AP4B1: variants seen among roughly 807,000 people sequenced by gnomAD.
AP4B1 encodes the protein adaptor related protein complex 4 subunit beta 1, also known as AP-4 complex subunit beta-1.
In AP4B1, 49 loss-of-function variants were observed where a neutral mutation model predicts 76.5. The ratio of observed to expected loss-of-function variants is 0.64; its 90% CI spans 0.51 to 0.81. The LOEUF is 0.81. Among genes scored for constraint, AP4B1 ranks in the 40% least tolerant of loss-of-function variants. The pLI, the probability that AP4B1 is intolerant of heterozygous loss-of-function variation, is 0.00. For missense variants in AP4B1, 911 were observed against 904.9 expected (o/e 1.01, Z -0.09); for synonymous variants, 330 against 333.3 (o/e 0.99, Z 0.11).
At position 113,901,286 on chromosome 1, in the gene AP4B1, C is replaced by T. The variant is rs933273265; in HGVS notation, c.567G>A (p.Gln189=). 4.3e-5 allele frequency: 69 copies of T among 1,614,010 alleles called. 1 individual carries two copies. The highest frequency in any genetic ancestry group is 5.7e-5 in the Non-Finnish European group (67 of 1,180,022). Residue 189 remains glutamine (Q), a synonymous_variant, in exon 4 of 10, where the codon CAG becomes CAA. Transcript: ENST00000369569. The part of the protein sequence containing the change: ...CLRSLEEILK[Q]EGGVVINKPI... Reference sequence around the variant, plus strand: ...GCTTATTGATGACAACGCCTCCTTCCTGTTTCAGAATTTCCTCTAGAGACC... The same window carrying T: ...GCTTATTGATGACAACGCCTCCTTCTTGTTTCAGAATTTCCTCTAGAGACC...
At position 113,897,937 on chromosome 1, in the gene AP4B1, A is replaced by T; in HGVS notation, c.1205T>A (p.Val402Glu). 1 of 1,614,164 alleles carries T rather than the reference A, an allele frequency of 6.2e-7. No homozygotes were observed. The highest frequency in any genetic ancestry group is 8.5e-7 in the Non-Finnish European group (1 of 1,180,030). Reference protein sequence around the residue: ...LRQEHITTVVVQTFRDLVWLC... With the variant: ...LRQEHITTVVEQTFRDLVWLC... The stretch of plus-strand genomic sequence containing the variant: ...CCAAACCAGGTCTCGGAAAGTCTGC[A>T]CCACCACTACAATACAGGCCAGGGT... The change falls in exon 7 of 10, where the codon GTG becomes GAG. Residue 402 changes from valine to glutamate, a missense_variant. Coordinates refer to ENST00000369569, the MANE Select transcript of AP4B1 (RefSeq NM_001253852.3).
Position 113,895,074 on chromosome 1 carries a change from TATTTCTTCA to T in AP4B1, c.2202_2210del (p.Glu735_Ile737del). ...AAGCAACAAGACTCTGTTATGATTTTATTTCTTCAATTGTTCCAATCACAGTTTCTAATA... is the reference window on the plus strand; with the variant it reads ...AAGCAACAAGACTCTGTTATGATTTTATTGTTCCAATCACAGTTTCTAATA... On this transcript the variant is annotated inframe_deletion, in exon 10 of 10. Transcript: ENST00000369569. 1 of 1,613,594 alleles carries T rather than the reference TATTTCTTCA, an allele frequency of 6.2e-7. No homozygotes were observed. Among genetic ancestry groups the T allele is most frequent in the South Asian group, 1.1e-5 (1 of 91,020 alleles).
chr1:113,895,144 T>C lies in AP4B1; in HGVS notation c.2141A>G (p.Glu714Gly). 6.2e-7 allele frequency: 1 copy of C among 1,614,224 alleles called. No homozygotes were observed. The highest frequency in any genetic ancestry group is 8.5e-7 in the Non-Finnish European group (1 of 1,180,030). ...SEMQISVKQN[E>G]ARTETLNSFI... ...ACTATTCAGCGTCTCCGTTCTTGCT[T>C]CATTTTGTTTCACAGAGATCTGCAT... Residue 714 changes from glutamate (E) to glycine (G), a missense_variant, in exon 10 of 10, where the codon GAA (glutamate) becomes GGA (glycine). By Grantham distance (98) the Glu-to-Gly change is moderately conservative (BLOSUM62 -2). Transcript: ENST00000369569.
chr1:113,900,692 T>C, intron 4 of AP4B1: 1 of 440,966 alleles, frequency 2.3e-6, no homozygotes, highest in Non-Finnish European at 4.1e-6. Context: ...ATGGCTTAGT[T>C]TGGGGGACAT....
chr1:113,904,992 T>C (rs1178763474), upstream of AP4B1: 3 of 451,052 alleles, frequency 6.7e-6, no homozygotes, highest in Non-Finnish European at 1.2e-5. Context: ...CCGCTACTTC[T>C]AGGTCCTCCG....
intron 4 of AP4B1, chr1:113,900,750 T>A (rs754344247): frequency 2.9e-5 from 9 of 307,860 alleles, no homozygotes; most frequent in African/African-American, 4.4e-5. Context: ...TCTATTTCCC[T>A]ATATCAATAA....
upstream of AP4B1, chr1:113,904,860 G>A (rs1435484674): frequency 1.1e-5 from 8 of 760,542 alleles, no homozygotes; most frequent in East Asian, 2.7e-5. Flanking sequence ...CTCGGCTTCC[G>A]TAGGGCCGGC....
chr1:113,901,604 A>G (rs1432094522), intron 3 of AP4B1, 151 bp downstream of exon 3: 5 of 1,269,726 alleles, frequency 3.9e-6, no homozygotes, highest in Non-Finnish European at 5.6e-6. Context: ...AGGACTTCTC[A>G]TCTCCAGAAG....
At chr1:113,903,253 A>G (rs1336175640) in intron 1 of AP4B1, among the ~76,000 whole-genome samples, 1 of 152,162 alleles carries the variant, frequency 6.6e-6, no homozygotes, top group African/African-American at 2.4e-5. Context: ...TTTAGTAGAG[A>G]CGGGGTTTCT....
At chr1:113,898,156 A>G (rs1667725998) in intron 6 of AP4B1, 1 of 448,846 alleles carries the variant, frequency 2.2e-6, no homozygotes, top group African/African-American at 2.1e-5. Flanking sequence ...ATGAGGATAA[A>G]TGAACTAATG....
In AP4B1 at chr1:113,900,016, C is replaced by T. The variant is rs1229949345; in HGVS notation, c.1002G>A (p.Glu334=). ...EPHYIKLQKV[E]VLCELVNDEN... Reference sequence around the variant, plus strand: ...CATCGTTCACCAGTTCACACAGCACCTCCACTTTCTGTAGTTTGATGTAGT... The same window carrying T: ...CATCGTTCACCAGTTCACACAGCACTTCCACTTTCTGTAGTTTGATGTAGT... Residue 334 remains glutamate, a synonymous_variant, in exon 5 of 10, where the codon GAG becomes GAA. Coordinates refer to ENST00000369569, the MANE Select transcript of AP4B1 (RefSeq NM_001253852.3). 2.5e-6 allele frequency: 4 copies of T among 1,614,188 alleles called. No individual in the cohort carries two copies. Among genetic ancestry groups the T allele is most frequent in the Non-Finnish European group, 3.4e-6 (4 of 1,180,036 alleles).
At chr1:113,904,982 C>T (rs1668803100), upstream of AP4B1, 1 of 472,212 alleles carries the variant, frequency 2.1e-6, no homozygotes, top group Non-Finnish European at 3.9e-6. Context: ...CAGATCGCTC[C>T]CGCTACTTCT....
rs1668740365 is a variant in AP4B1, at chr1:113,904,615, G to A, written c.103C>T (p.Arg35Ter). 1.2e-6 allele frequency: 2 copies of A among 1,613,824 alleles called. No homozygotes were observed. The highest frequency in any genetic ancestry group is 1.7e-5 in the Admixed American group (1 of 60,004). The change falls in exon 1 of 10, where the codon CGA (arginine) becomes TGA (stop). Residue 35 changes from arginine to a stop codon, truncating the protein, a stop_gained. Coordinates refer to ENST00000369569, the MANE Select transcript of AP4B1 (RefSeq NM_001253852.3). LOFTEE classifies it high-confidence loss of function. ...DRLRYRNVIQ[R>*]VIRYMTQGLD... ...GGAGGTAGGTGATACCTAATCACTC[G>A]CTGGATGACATTCCGGTAGCGCAGC...
chr1:113,901,977 G>A, intron 2 of AP4B1, 92 bp from the exon 3 acceptor site: 1 of 1,444,940 alleles, frequency 6.9e-7, no homozygotes, highest in Non-Finnish European at 9.7e-7. Flanking sequence ...TTTAGTAGAT[G>A]CTGCACCCAT....
chr1:113,902,278 G>A (rs1668371485), intron 2 of AP4B1, among the ~76,000 whole-genome samples: 2 of 152,056 alleles, frequency 1.3e-5, no homozygotes, highest in African/African-American at 4.8e-5. Context: ...CAATCTTCCT[G>A]TCTAAGCCTC....
Position 113,900,085 on chromosome 1 carries a change from A to G in AP4B1, c.933T>C (p.Phe311=), listed in dbSNP as rs576006432. 59 of 1,614,250 alleles carry G rather than the reference A, an allele frequency of 3.7e-5. 1 individual carries two copies. The South Asian group carries it at 6.3e-4, about 17-fold the overall frequency. ...RQILHSLPGH[F]SSHYKKFFCS... ...AAAAAAACTTTTTGTAGTGGCTGCT[A>G]AAGTGACCTGGTAAACTATGCAAGA... The change falls in exon 5 of 10, where the codon TTT becomes TTC. Residue 311 remains phenylalanine (F), a synonymous_variant. Coordinates refer to ENST00000369569, the MANE Select transcript of AP4B1 (RefSeq NM_001253852.3).
intron 5 of AP4B1, 143 bp downstream of exon 5, chr1:113,899,761 G>T: frequency 1.5e-6 from 2 of 1,307,716 alleles, no homozygotes; most frequent in Non-Finnish European, 1.1e-6. Flanking sequence ...CCCCGTGTTT[G>T]TAGTCACTGA....
Position 113,897,592 on chromosome 1 carries a change from C to T in AP4B1, c.1302+248G>A. 3 of 492,084 alleles carry T rather than the reference C, an allele frequency of 6.1e-6. No individual in the cohort carries two copies. In the South Asian group the frequency reaches 6.6e-5, roughly 11 times the overall value. The allele number at this position is 492,084 out of a possible 1,614,324, so 30.5% of individuals were successfully genotyped here. ...CTGGGCAACTCTATCTCAAGCAAAG[C>T]AAAACAAAACAAAACAGAACTGTTC... On this transcript the variant is annotated intron_variant, in intron 7 of 9. Coordinates refer to ENST00000369569, the MANE Select transcript of AP4B1 (RefSeq NM_001253852.3).
chr1:113,902,794 T>G lies in AP4B1; in HGVS notation c.182A>C (p.Asp61Ala). The change falls in exon 2 of 10, where the codon GAT becomes GCT. Residue 61 changes from aspartate (D) to alanine (A), a missense_variant. Transcript: ENST00000369569. Reference sequence around the variant, plus strand: ...ATAAACCAACTTCTTCTGGACAATATCTACAGTGGCACTGGCCTTCACCAT... The same window carrying G: ...ATAAACCAACTTCTTCTGGACAATAGCTACAGTGGCACTGGCCTTCACCAT... ...MEMVKASATV[D>A]IVQKKLVYLY... 1 of 1,614,204 alleles carries G rather than the reference T, an allele frequency of 6.2e-7. No individual in the cohort carries two copies. Among genetic ancestry groups the G allele is most frequent in the Non-Finnish European group, 8.5e-7 (1 of 1,180,034 alleles).
Sources: allele counts gnomAD v4.1 joint callset (sites outside exome capture counted in the v4.1 genomes callset), GRCh38; gene constraint gnomAD v4.1.1; transcripts MANE v1.5; gene names NCBI Gene and HGNC (gene_info 2026-07-23, HGNC 2026-07-21).